MME: variants seen among roughly 807,000 people sequenced by gnomAD.
MME encodes neprilysin.
Under a neutral mutation model 113.2 loss-of-function variants are expected in MME, and 98 were observed. That is an observed-to-expected ratio of 0.87 (90% CI 0.74 to 1.02). The LOEUF is 1.02. Among genes scored for constraint, MME ranks in the 50% least tolerant of loss-of-function variants. The probability of loss-of-function intolerance (pLI) is 0.00; values close to 1 mark genes in which losing one functional copy is unlikely to be tolerated. For missense variants in MME, 836 were observed against 896.0 expected (o/e 0.93, Z 0.86); for synonymous variants, 292 against 300.6 (o/e 0.97, Z 0.30).
intron 16 of MME, among the ~76,000 whole-genome samples, chr3:155,157,587 GAGATATTTTGTGATTGATCACAAATATT>G (rs1443088013): frequency 1.4e-5 from 2 of 145,620 alleles, no homozygotes; most frequent in Non-Finnish European, 3.0e-5. Flanking sequence ...TATTAACATT[GAGATATTTTGTGATTGATCACAAATATT>G]AGACATTCAG....
chr3:155,086,986 G>GT (rs377750409), intron 3 of MME, among the ~76,000 whole-genome samples: 57 of 131,468 alleles, frequency 4.3e-4, no homozygotes, highest in East Asian at 1.7e-3. Context: ...TGGGTTTTTT[G>GT]TTTTTTTTGT....
intron 1 of MME, among the ~76,000 whole-genome samples, chr3:155,027,222 A>C (rs2108110872): frequency 6.6e-6 from 1 of 152,238 alleles, no homozygotes; most frequent in African/African-American, 2.4e-5. Context: ...TTCTTGATAT[A>C]TTGCCTGGAT....
chr3:155,143,629 A>G lies in MME; in HGVS notation c.1317+58A>G, dbSNP rs959561612. 9.2e-5 allele frequency: 146 copies of G among 1,583,950 alleles called. 1 individual carries two copies. Among genetic ancestry groups the G allele is most frequent in the Non-Finnish European group, 1.9e-5 (22 of 1,156,356 alleles). On this transcript the variant is annotated intron_variant, in intron 13 of 22. Transcript: ENST00000360490. The stretch of plus-strand genomic sequence containing the variant: ...TACAGGACACTATCAGTTTGTTCAC[A>G]CTGATGAGCAATTACAGTTCTCCAT...
At chr3:155,125,409 G>C (rs1278848708) in intron 8 of MME, among the ~76,000 whole-genome samples, 1 of 148,180 alleles carries the variant, frequency 6.7e-6, no homozygotes. Context: ...CTGTAGACTG[G>C]AGCTGTTCCT....
At chr3:155,076,296 T>A (rs994282912), upstream of MME, among the ~76,000 whole-genome samples, 2 of 152,148 alleles carry the variant, frequency 1.3e-5, no homozygotes, top group Non-Finnish European at 2.9e-5. Context: ...AGAGTAGGGG[T>A]GAGGAGTCGG....
chr3:155,107,991 A>G (rs948145069), intron 3 of MME, among the ~76,000 whole-genome samples: 2 of 152,238 alleles, frequency 1.3e-5, no homozygotes, highest in Non-Finnish European at 2.9e-5. Flanking sequence ...GGCATCAGTT[A>G]TAGTGCTGTT....
chr3:155,107,781 G>A (rs758595208), intron 3 of MME, among the ~76,000 whole-genome samples: 4 of 152,198 alleles, frequency 2.6e-5, no homozygotes, highest in Non-Finnish European at 5.9e-5. Context: ...AGCTGAGATT[G>A]AACAAGGGAA....
intron 1 of MME, among the ~76,000 whole-genome samples, chr3:155,046,031 T>G (rs1713545785): frequency 6.6e-6 from 1 of 152,172 alleles, no homozygotes; most frequent in Non-Finnish European, 1.5e-5. Flanking sequence ...TTTCACCAAA[T>G]TTGGGGAATT....
intron 16 of MME, among the ~76,000 whole-genome samples, chr3:155,154,910 G>A (rs1029443030): frequency 1.3e-5 from 2 of 152,150 alleles, no homozygotes; most frequent in Non-Finnish European, 2.9e-5. Flanking sequence ...GCAAGTATTA[G>A]CCAGAAAGAA....
intron 1 of MME, among the ~76,000 whole-genome samples, chr3:155,048,648 CTT>C (rs1713649551): frequency 6.6e-6 from 1 of 152,032 alleles, no homozygotes; most frequent in African/African-American, 2.4e-5. Flanking sequence ...TCATAAAATT[CTT>C]TGTCCTTGAA....
intron 1 of MME, among the ~76,000 whole-genome samples, chr3:155,028,831 G>T (rs1295730299): frequency 1.3e-5 from 2 of 152,024 alleles, no homozygotes; most frequent in Non-Finnish European, 2.9e-5. Flanking sequence ...ACTTCTAGGG[G>T]TTTCTTTTTG....
intron 17 of MME, among the ~76,000 whole-genome samples, chr3:155,163,436 A>C (rs962086423): frequency 2.6e-5 from 4 of 152,192 alleles, no homozygotes; most frequent in Non-Finnish European, 5.9e-5. Context: ...TCCAAGAAAG[A>C]AGGCAAACTA....
chr3:155,158,951 T>C (rs1473190423), intron 16 of MME: 3 of 152,014 alleles, frequency 2.0e-5, no homozygotes, highest in African/African-American at 7.2e-5. Flanking sequence ...TGTTGATCAA[T>C]CATTCTTCCC....
At chr3:155,095,780 T>C (rs1419314344) in intron 3 of MME, among the ~76,000 whole-genome samples, 2 of 151,920 alleles carry the variant, frequency 1.3e-5, no homozygotes, top group African/African-American at 4.8e-5. Flanking sequence ...GTCAGGAAAA[T>C]GAAAACCTGG....
At chr3:155,087,476 G>T (rs976228077) in intron 3 of MME, among the ~76,000 whole-genome samples, 2 of 152,006 alleles carry the variant, frequency 1.3e-5, no homozygotes, top group Admixed American at 1.3e-4. Flanking sequence ...GTGGTCATGT[G>T]CAAAAGTCAG....
chr3:155,088,124 G>A (rs1193133109), intron 3 of MME, among the ~76,000 whole-genome samples: 1 of 152,006 alleles, frequency 6.6e-6, no homozygotes, highest in African/African-American at 2.4e-5. Flanking sequence ...CACATTGGTA[G>A]TTACTATTCT....
At chr3:155,168,099 G>A (rs1433173783) in intron 18 of MME, among the ~76,000 whole-genome samples, 1 of 152,202 alleles carries the variant, frequency 6.6e-6, no homozygotes, top group Non-Finnish European at 1.5e-5. Context: ...AGTGTCCTAT[G>A]AAGGGTCCAG....
At chr3:155,058,958 C>T (rs577872480) in intron 1 of MME, among the ~76,000 whole-genome samples, 8 of 151,996 alleles carry the variant, frequency 5.3e-5, no homozygotes, top group Middle Eastern at 3.4e-3. Context: ...TAACTATTTC[C>T]GGATTATGGA....
intron 7 of MME, among the ~76,000 whole-genome samples, chr3:155,118,345 G>A (rs1395993018): frequency 6.6e-6 from 1 of 152,216 alleles, no homozygotes; most frequent in Admixed American, 6.5e-5. Context: ...GGAAGCAGAT[G>A]AGAATGTTCC....
Sources: allele counts gnomAD v4.1 joint callset (sites outside exome capture counted in the v4.1 genomes callset), GRCh38; gene constraint gnomAD v4.1.1; transcripts MANE v1.5; gene names NCBI Gene and HGNC (gene_info 2026-07-23, HGNC 2026-07-21).